GRB10: variants seen among roughly 807,000 people sequenced by gnomAD.
GRB10 encodes growth factor receptor-bound protein 10.
Under a neutral mutation model 80.9 loss-of-function variants are expected in GRB10, and 20 were observed. That is an observed-to-expected ratio of 0.25 (90% CI 0.17 to 0.36). GRB10 has a LOEUF of 0.36. Ranked by LOEUF, GRB10 falls within the 10% of genes least tolerant of loss-of-function variation. The pLI, the probability that GRB10 is intolerant of heterozygous loss-of-function variation, is 1.00. For missense variants in GRB10, 548 were observed against 747.7 expected, an observed-to-expected ratio of 0.73 and a Z score of 3.12; for synonymous variants, 291 against 291.5, an observed-to-expected ratio of 1.00 and a Z score of 0.02.
intron 3 of GRB10, among the ~76,000 whole-genome samples, chr7:50,735,151 G>A (rs1306297153): frequency 6.6e-6 from 1 of 152,178 alleles, no homozygotes; most frequent in African/African-American, 2.4e-5. Flanking sequence ...AAAACCATTT[G>A]TGTTTATAAA....
intron 7 of GRB10, among the ~76,000 whole-genome samples, chr7:50,665,154 C>T (rs1247123140): frequency 6.6e-6 from 1 of 152,210 alleles, no homozygotes; most frequent in East Asian, 1.9e-4. Flanking sequence ...TAAAACCATA[C>T]ATCACGGTTC....
At chr7:50,744,748 G>A (rs568939008) in intron 3 of GRB10, among the ~76,000 whole-genome samples, 1 of 152,280 alleles carries the variant, frequency 6.6e-6, no homozygotes, top group South Asian at 2.1e-4. Flanking sequence ...ACATGGAGAT[G>A]ATTAGCATCA....
chr7:50,630,740 G>A (rs1019892814), intron 7 of GRB10, among the ~76,000 whole-genome samples: 1 of 152,180 alleles, frequency 6.6e-6, no homozygotes, highest in Non-Finnish European at 1.5e-5. Context: ...ATATTAAAGA[G>A]GGCATAATTA....
At chr7:50,789,104 CTG>C (rs2078808157) in intron 1 of GRB10, among the ~76,000 whole-genome samples, 2 of 152,242 alleles carry the variant, frequency 1.3e-5, no homozygotes, top group South Asian at 2.1e-4. Flanking sequence ...GGAGTTCAAA[CTG>C]TCACGCTAAA....
intron 3 of GRB10, 82 bp from the exon 4 acceptor site, chr7:50,732,450 T>C: frequency 1.2e-6 from 1 of 841,648 alleles, no homozygotes; most frequent in Admixed American, 2.0e-5. Context: ...AAGTGTGACA[T>C]GTCTGAATGG....
chr7:50,646,045 C>G (rs76648163), intron 7 of GRB10, among the ~76,000 whole-genome samples: 2,612 of 152,288 alleles, frequency 0.017, 74 homozygotes, highest in African/African-American at 0.059. Context: ...TGCTGGAAAC[C>G]AACCTATCCA....
chr7:50,615,189 C>A (rs1247668818), intron 11 of GRB10, among the ~76,000 whole-genome samples: 1 of 152,124 alleles, frequency 6.6e-6, no homozygotes, highest in Admixed American at 6.5e-5. Flanking sequence ...AAATCTATAA[C>A]CCAAAGGTCA....
intron 5 of GRB10, among the ~76,000 whole-genome samples, chr7:50,683,737 A>T (rs1228520142): frequency 6.6e-6 from 1 of 150,958 alleles, no homozygotes; most frequent in Non-Finnish European, 1.5e-5. Context: ...ACTCCATCTC[A>T]AAAAAAATAA....
At chr7:50,778,030 T>C (rs901615277) in intron 2 of GRB10, among the ~76,000 whole-genome samples, 13 of 152,148 alleles carry the variant, frequency 8.5e-5, no homozygotes, top group Non-Finnish European at 1.3e-4. Context: ...GGTACACGTA[T>C]ACCTATGTAG....
chr7:50,705,327 GAGAAA>G (rs1480311748), intron 4 of GRB10: 1 of 984,464 alleles, frequency 1.0e-6, no homozygotes, highest in Non-Finnish European at 1.2e-6. Flanking sequence ...AGAATATCTG[GAGAAA>G]ACAAAATAAA....
At chr7:50,606,226 ACACT>A (rs2048499623) in intron 14 of GRB10, 107 bp downstream of exon 14, 3 of 895,468 alleles carry the variant, frequency 3.4e-6, no homozygotes, top group Non-Finnish European at 5.7e-6. Flanking sequence ...AAATGCACAC[ACACT>A]CTCCAGAGCT....
upstream of GRB10, among the ~76,000 whole-genome samples, chr7:50,785,868 T>C (rs375965426): frequency 3.3e-5 from 5 of 152,168 alleles, no homozygotes; most frequent in Non-Finnish European, 7.3e-5. Context: ...ACAAATGAGA[T>C]AGACGTATCT....
intron 5 of GRB10, among the ~76,000 whole-genome samples, chr7:50,702,826 GTTCT>G (rs2064437148): frequency 6.6e-6 from 1 of 152,194 alleles, no homozygotes; most frequent in African/African-American, 2.4e-5. Flanking sequence ...GCCTTAAAGA[GTTCT>G]TTCAGTGTAA....
chr7:50,608,267 A>C (rs1405536718), intron 13 of GRB10, among the ~76,000 whole-genome samples: 2 of 152,262 alleles, frequency 1.3e-5, no homozygotes, highest in African/African-American at 4.8e-5. Flanking sequence ...GGGAAGACAG[A>C]CAACTAATGT....
At chr7:50,600,488 C>T (rs1276247097) in intron 17 of GRB10, among the ~76,000 whole-genome samples, 2 of 151,536 alleles carry the variant, frequency 1.3e-5, no homozygotes, top group Non-Finnish European at 2.9e-5. Flanking sequence ...CATCTGGGAT[C>T]GAAACAAAAC....
At chr7:50,737,281 G>C (rs1027466408) in intron 3 of GRB10, among the ~76,000 whole-genome samples, 1 of 152,204 alleles carries the variant, frequency 6.6e-6, no homozygotes, top group Admixed American at 6.5e-5. Context: ...TTCTAACGGC[G>C]TAACACCATC....
chr7:50,651,282 C>G (rs2057976192), intron 7 of GRB10, among the ~76,000 whole-genome samples: 2 of 152,178 alleles, frequency 1.3e-5, no homozygotes, highest in South Asian at 4.1e-4. Flanking sequence ...GATCAAGATG[C>G]GAGCAGGTCT....
At chr7:50,726,397 C>T (rs183318046) in intron 4 of GRB10, among the ~76,000 whole-genome samples, 20 of 147,582 alleles carry the variant, frequency 1.4e-4, no homozygotes, top group African/African-American at 4.5e-4. Context: ...GACTCTGTCT[C>T]AAAAAAAACA....
intron 7 of GRB10, among the ~76,000 whole-genome samples, chr7:50,635,561 C>CAAAACAAAA (rs1554504120): frequency 1.3e-5 from 2 of 151,018 alleles, no homozygotes; most frequent in African/African-American, 4.9e-5. Flanking sequence ...AAAAACAAAA[C>CAAAACAAAA]AAAACAAAAA....
Sources: allele counts gnomAD v4.1 joint callset (sites outside exome capture counted in the v4.1 genomes callset), GRCh38; gene constraint gnomAD v4.1.1; transcripts MANE v1.5; gene names NCBI Gene and HGNC (gene_info 2026-07-23, HGNC 2026-07-21).